The following HTR4 variants were observed in gnomAD, a reference collection of about 807,000 sequenced individuals.
The protein encoded by HTR4 is 5-hydroxytryptamine (serotonin) receptor 4, G protein-coupled.
A neutral mutation model predicts 36.8 loss-of-function variants in HTR4; 16 were observed. That is an observed-to-expected ratio of 0.43 (90% CI 0.29 to 0.66). The LOEUF (loss-of-function observed/expected upper bound fraction) is 0.66. HTR4 is among the 30% of genes least tolerant of loss of function. HTR4 has a pLI of 0.13. For synonymous variants in HTR4, 189 were observed against 185.1 expected, an observed-to-expected ratio of 1.02 and a Z score of -0.17; for missense variants, 438 against 490.9, an observed-to-expected ratio of 0.89 and a Z score of 1.02.
intron 1 of HTR4, among the ~76,000 whole-genome samples, chr5:148,639,326 C>A (rs1035344629): frequency 6.6e-6 from 1 of 151,948 alleles, no homozygotes; most frequent in Non-Finnish European, 1.5e-5. Context: ...ATGATCTGGC[C>A]CCCACTCTTC....
intron 2 of HTR4, among the ~76,000 whole-genome samples, chr5:148,601,669 C>T (rs1762000375): frequency 1.3e-5 from 2 of 152,052 alleles, no homozygotes; most frequent in Non-Finnish European, 2.9e-5. Context: ...GGCACAGTGG[C>T]ATGCATCTGT....
At chr5:148,588,282 T>A (rs1761423420) in intron 2 of HTR4, among the ~76,000 whole-genome samples, 1 of 152,176 alleles carries the variant, frequency 6.6e-6, no homozygotes, top group African/African-American at 2.4e-5. Flanking sequence ...TTTCTAATTC[T>A]GAAATGTTCC....
chr5:148,572,386 C>T (rs1760710980), intron 2 of HTR4, among the ~76,000 whole-genome samples: 1 of 151,868 alleles, frequency 6.6e-6, no homozygotes, highest in Non-Finnish European at 1.5e-5. Flanking sequence ...CCCAAGGTCA[C>T]ATGGCTGGTA....
chr5:148,578,172 G>A (rs1456519951), intron 2 of HTR4, among the ~76,000 whole-genome samples: 1 of 151,966 alleles, frequency 6.6e-6, no homozygotes, highest in Admixed American at 6.6e-5. Context: ...TCTGTGAGGC[G>A]AAGTGAGGGG....
intron 5 of HTR4, among the ~76,000 whole-genome samples, chr5:148,510,750 C>T (rs1002127118): frequency 6.6e-6 from 1 of 152,200 alleles, no homozygotes; most frequent in Admixed American, 6.5e-5. Flanking sequence ...AGTCATTTCT[C>T]TACGTATTGA....
chr5:148,464,180 T>C (rs1755363487), intron 5 of HTR4, among the ~76,000 whole-genome samples: 1 of 151,786 alleles, frequency 6.6e-6, no homozygotes, highest in South Asian at 2.1e-4. Context: ...AACTGTTGGT[T>C]TGGTGACAAC....
At chr5:148,641,447 GGC>G (rs1306855582) in intron 1 of HTR4, among the ~76,000 whole-genome samples, 1,724 of 152,266 alleles carry the variant, frequency 0.011, 36 homozygotes, top group African/African-American at 0.04. Flanking sequence ...AAAAGATCAT[GGC>G]AAGTTCTGGA....
intron 4 of HTR4, among the ~76,000 whole-genome samples, chr5:148,546,501 A>T (rs1759389925): frequency 6.6e-6 from 1 of 152,228 alleles, no homozygotes; most frequent in African/African-American, 2.4e-5. Flanking sequence ...ATACCTACTC[A>T]GGAAAAGTTT....
chr5:148,608,877 T>C (rs1752290509), intron 2 of HTR4, among the ~76,000 whole-genome samples: 1 of 152,082 alleles, frequency 6.6e-6, no homozygotes, highest in South Asian at 2.1e-4. Context: ...AGCAGTAGGG[T>C]TTATTATTTT....
intron 4 of HTR4, among the ~76,000 whole-genome samples, chr5:148,546,912 G>C (rs1035840286): frequency 2.3e-4 from 35 of 152,196 alleles, no homozygotes; most frequent in African/African-American, 8.4e-4. Context: ...AAGTCAGATT[G>C]TTGTAAACAA....
At chr5:148,529,485 T>C (rs1758448003) in intron 4 of HTR4, among the ~76,000 whole-genome samples, 1 of 152,234 alleles carries the variant, frequency 6.6e-6, no homozygotes, top group Non-Finnish European at 1.5e-5. Context: ...TCTAGTCTGC[T>C]GCCATGTGAG....
At chr5:148,572,283 T>G (rs1760708101) in intron 2 of HTR4, among the ~76,000 whole-genome samples, 1 of 152,052 alleles carries the variant, frequency 6.6e-6, no homozygotes, top group Admixed American at 6.6e-5. Context: ...ATTGGCTGAT[T>G]TTTATCGTCA....
At chr5:148,637,768 C>T (rs1490406510) in intron 1 of HTR4, among the ~76,000 whole-genome samples, 1 of 152,198 alleles carries the variant, frequency 6.6e-6, no homozygotes, top group Non-Finnish European at 1.5e-5. Flanking sequence ...AATCAACCCT[C>T]TTTACTAATT....
chr5:148,484,988 A>G (rs1376601749), intron 6 of HTR4, among the ~76,000 whole-genome samples: 1 of 152,170 alleles, frequency 6.6e-6, no homozygotes, highest in East Asian at 1.9e-4. Flanking sequence ...AAGGTTAAAA[A>G]GGAAGGAAGG....
chr5:148,505,816 G>A (rs1223007920), intron 6 of HTR4, among the ~76,000 whole-genome samples: 2 of 152,094 alleles, frequency 1.3e-5, no homozygotes, highest in Non-Finnish European at 2.9e-5. Flanking sequence ...CAACTCACAA[G>A]GGATGTGAAG....
chr5:148,628,907 C>T (rs563378847), intron 2 of HTR4: 18 of 152,224 alleles, frequency 1.2e-4, no homozygotes, highest in Admixed American at 1.1e-3. Context: ...ATCCAAGTGA[C>T]CCTTCCATCT....
intron 2 of HTR4, among the ~76,000 whole-genome samples, chr5:148,608,204 G>A (rs749763021): frequency 2.0e-5 from 3 of 152,206 alleles, no homozygotes; most frequent in Non-Finnish European, 4.4e-5. Context: ...AATATTTATT[G>A]AGTGTATACC....
intron 2 of HTR4, among the ~76,000 whole-genome samples, chr5:148,608,167 C>T (rs568360648): frequency 3.9e-5 from 6 of 152,268 alleles, no homozygotes; most frequent in South Asian, 2.1e-4. Context: ...CAGTGTAAAC[C>T]GTGCTTACTT....
chr5:148,492,996 G>C (rs768651896), intron 6 of HTR4, among the ~76,000 whole-genome samples: 3 of 152,210 alleles, frequency 2.0e-5, no homozygotes, highest in Non-Finnish European at 4.4e-5. Flanking sequence ...CATTAGCCTA[G>C]AAGTGGGCAT....
Sources: allele counts gnomAD v4.1 joint callset (sites outside exome capture counted in the v4.1 genomes callset), GRCh38; gene constraint gnomAD v4.1.1; transcripts MANE v1.5; gene names NCBI Gene and HGNC (gene_info 2026-07-23, HGNC 2026-07-21).